Variants in TXK observed in about 807,000 individuals in gnomAD.
TXK encodes the protein tyrosine-protein kinase TXK.
In TXK, 60 loss-of-function variants were observed where a neutral mutation model predicts 81.0. The ratio of observed to expected loss-of-function variants is 0.74; its 90% confidence interval spans 0.60 to 0.92. The LOEUF (loss-of-function observed/expected upper bound fraction) is 0.92. Among genes scored for constraint, TXK ranks in the 40% least tolerant of loss-of-function variants. TXK has a pLI of 0.00. For missense variants in TXK, 581 were observed against 638.3 expected (o/e 0.91, Z 0.97); for synonymous variants, 203 against 210.7 (o/e 0.96, Z 0.32).
intron 11 of TXK, among the ~76,000 whole-genome samples, chr4:48,078,583 G>A (rs1717160401): frequency 6.6e-6 from 1 of 152,206 alleles, no homozygotes; most frequent in Non-Finnish European, 1.5e-5. Context: ...AACAGAAAGT[G>A]TTACTCAAGG....
chr4:48,077,984 G>A (rs1442146787), intron 11 of TXK, among the ~76,000 whole-genome samples: 1 of 152,126 alleles, frequency 6.6e-6, no homozygotes, highest in Non-Finnish European at 1.5e-5. Context: ...GGCTCATCAG[G>A]GGAATTTTCA....
intron 1 of TXK, among the ~76,000 whole-genome samples, chr4:48,125,379 G>A (rs1320653241): frequency 2.6e-5 from 4 of 152,188 alleles, no homozygotes; most frequent in Non-Finnish European, 4.4e-5. Flanking sequence ...TACATTTAAG[G>A]TAACCAAATA....
At chr4:48,096,988 T>C (rs1718006229) in intron 6 of TXK, among the ~76,000 whole-genome samples, 1 of 151,854 alleles carries the variant, frequency 6.6e-6, no homozygotes, top group Non-Finnish European at 1.5e-5. Context: ...CAACAAGCAA[T>C]AGCAATAAAA....
intron 10 of TXK, among the ~76,000 whole-genome samples, chr4:48,081,325 T>A (rs1717290982): frequency 6.6e-6 from 1 of 152,050 alleles, no homozygotes; most frequent in South Asian, 2.1e-4. Context: ...CTGGTAAAAA[T>A]CTAACAGAAA....
intron 7 of TXK, 46 bp from the exon 8 acceptor site, chr4:48,094,250 T>C (rs772914276): frequency 2.5e-6 from 4 of 1,603,188 alleles, no homozygotes; most frequent in South Asian, 2.2e-5. Context: ...AAAGATCAAT[T>C]TGGATCTAAG....
intron 1 of TXK, among the ~76,000 whole-genome samples, chr4:48,127,072 A>G (rs1719107844): frequency 6.6e-6 from 1 of 152,200 alleles, no homozygotes; most frequent in Non-Finnish European, 1.5e-5. Context: ...TTATGACCCA[A>G]TTTTATTTAA....
Position 48,086,533 on chromosome 4 carries a change from C to T in TXK, c.889G>A (p.Ala297Thr). The T allele has an allele frequency of 3.7e-6, 6 of 1,614,062 alleles. No individual in the cohort carries two copies. Among genetic ancestry groups the T allele is most frequent in the Non-Finnish European group, 5.1e-6 (6 of 1,179,982 alleles). ...GAGCCTTCATTGATGGCCTTGATAG[C>T]TACCTGGATATGTGACCGCCATTCA... ...LGEWRSHIQV[A>T]IKAINEGSMS... Residue 297 changes from alanine (A) to threonine (T), a missense_variant, in exon 10 of 15, where the codon GCT becomes ACT. Physicochemically the swap from Ala to Thr is moderately conservative, Grantham distance 58. Transcript: ENST00000264316.
At chr4:48,105,422 A>C (rs577091605) in intron 5 of TXK, among the ~76,000 whole-genome samples, 1 of 152,328 alleles carries the variant, frequency 6.6e-6, no homozygotes, top group South Asian at 2.1e-4. Context: ...ATATTACGTC[A>C]TAGTATAGTC....
chr4:48,070,893 C>CTTTTTT (rs11309334), intron 14 of TXK, among the ~76,000 whole-genome samples: 27 of 84,320 alleles, frequency 3.2e-4, no homozygotes, highest in African/African-American at 4.2e-4. Context: ...TCATTTAATT[C>CTTTTTT]TTTTTTTTTT....
intron 1 of TXK, among the ~76,000 whole-genome samples, chr4:48,116,371 C>T (rs1718815628): frequency 6.6e-6 from 1 of 152,010 alleles, no homozygotes; most frequent in South Asian, 2.1e-4. Context: ...TTTTAAAGTC[C>T]CTGGATCATA....
In TXK at chr4:48,114,499, T is replaced by C; in HGVS notation, c.17-97A>G. 6 of 1,277,204 alleles carry C rather than the reference T, an allele frequency of 4.7e-6. No individual in the cohort carries two copies. The South Asian group carries it at 6.1e-5, about 13-fold the overall frequency. 79.1% of individuals were successfully genotyped at this position (1,277,204 alleles called of 1,614,324 possible). On this transcript the variant is annotated intron_variant, in intron 1 of 14. Coordinates refer to ENST00000264316, the MANE Select transcript of TXK (RefSeq NM_003328.3). Reference sequence around the variant, plus strand: ...GGGTGAGACGAATTATTATAAAGCGTATGAAAGTCTCGATCGTGCCTTCCT... The same window carrying C: ...GGGTGAGACGAATTATTATAAAGCGCATGAAAGTCTCGATCGTGCCTTCCT...
intron 1 of TXK, among the ~76,000 whole-genome samples, chr4:48,127,243 T>C (rs772988539): frequency 1.3e-5 from 2 of 152,232 alleles, no homozygotes; most frequent in Non-Finnish European, 2.9e-5. Flanking sequence ...TTCCCTTGCT[T>C]GGCATGACTT....
At chr4:48,076,318 T>A in intron 12 of TXK, 84 bp downstream of exon 12, 1 of 1,038,246 alleles carries the variant, frequency 9.6e-7, no homozygotes, top group Non-Finnish European at 1.4e-6. Context: ...TGCAGCATCT[T>A]CAGTTTATCA....
intron 1 of TXK, among the ~76,000 whole-genome samples, chr4:48,118,258 A>G (rs1041575952): frequency 6.6e-6 from 1 of 152,186 alleles, no homozygotes; most frequent in Non-Finnish European, 1.5e-5. Context: ...TACAATGGCT[A>G]TTTCCTGTTG....
At chr4:48,124,970 G>T (rs992933367) in intron 1 of TXK, among the ~76,000 whole-genome samples, 1 of 152,152 alleles carries the variant, frequency 6.6e-6, no homozygotes, top group African/African-American at 2.4e-5. Flanking sequence ...GAAAACGTAG[G>T]TAATAAAAGT....
chr4:48,107,154 T>C (rs1402196692), intron 5 of TXK, among the ~76,000 whole-genome samples: 1 of 151,326 alleles, frequency 6.6e-6, no homozygotes, highest in East Asian at 1.9e-4. Context: ...TAAGGATATC[T>C]AGTATGTTGA....
In TXK at chr4:48,086,577, A is replaced by T. The variant is rs914277511; in HGVS notation, c.845T>A (p.Phe282Tyr). Residue 282 changes from phenylalanine (F) to tyrosine (Y), a missense_variant, in exon 10 of 15, where the codon TTT becomes TAT. Physicochemically the swap from Phe to Tyr is conservative, Grantham distance 22. Transcript: ENST00000264316. The part of the protein sequence containing the change: ...AFIKEIGSGQ[F>Y]GVVHLGEWRS... ...CCATTCACCTAAATGGACCACTCCAAACTGACCGCTTCCAATCTCCTTTAT... is the reference window on the plus strand; with the variant it reads ...CCATTCACCTAAATGGACCACTCCATACTGACCGCTTCCAATCTCCTTTAT... The T allele has an allele frequency of 4.3e-6, 7 of 1,614,132 alleles. No homozygotes were observed. The highest frequency in any genetic ancestry group is 2.2e-5 in the East Asian group (1 of 44,886).
At chr4:48,094,956 C>T (rs1052818392) in intron 7 of TXK, among the ~76,000 whole-genome samples, 187 bp downstream of exon 7, 6 of 152,160 alleles carry the variant, frequency 3.9e-5, no homozygotes, top group East Asian at 1.9e-4. Flanking sequence ...AAAAGGAAGA[C>T]GGGAGAGGTT....
At chr4:48,120,122 CATATGTATATACATGTGTAT>C (rs1160119229) in intron 1 of TXK, among the ~76,000 whole-genome samples, 3 of 148,752 alleles carry the variant, frequency 2.0e-5, no homozygotes, top group Non-Finnish European at 3.0e-5. Context: ...CATACACATA[CATATGTATATACATGTGTAT>C]ATATGTATAT....
Sources: gnomAD v4.1 joint callset for allele counts (sites outside exome capture counted in the v4.1 genomes callset) on GRCh38, gnomAD v4.1.1 for gene constraint, MANE v1.5 for transcripts, NCBI Gene and HGNC (gene_info 2026-07-23, HGNC 2026-07-21) for gene names.